Variants in LRRC4C observed in about 807,000 individuals in gnomAD.
LRRC4C encodes leucine-rich repeat-containing protein 4C.
In LRRC4C, 5 loss-of-function variants were observed where a neutral mutation model predicts 33.6. The observed-to-expected ratio is 0.15, with a 90% CI of 0.08 to 0.31. The LOEUF is 0.31. Among genes scored for constraint, LRRC4C ranks in the 10% least tolerant of loss-of-function variants. The probability of loss-of-function intolerance (pLI) is 1.00; values close to 1 mark genes in which losing one functional copy is unlikely to be tolerated. For synonymous variants in LRRC4C, 329 were observed against 302.0 expected (o/e 1.09, Z -0.93); for missense variants, 560 against 796.7 (o/e 0.70, Z 3.58).
intron 1 of LRRC4C, among the ~76,000 whole-genome samples, chr11:41,001,469 T>C (rs912173131): frequency 8.0e-4 from 122 of 152,142 alleles, no homozygotes; most frequent in African/African-American, 2.8e-3. Context: ...ACAAGTGAAG[T>C]TAATAGAGAA....
intron 2 of LRRC4C, among the ~76,000 whole-genome samples, chr11:40,650,234 C>T (rs1044167259): frequency 6.6e-6 from 1 of 152,216 alleles, no homozygotes; most frequent in East Asian, 1.9e-4. Context: ...CCCCAGTAGA[C>T]CAAAGCAAAA....
chr11:41,000,613 G>A (rs927785153), intron 1 of LRRC4C, among the ~76,000 whole-genome samples: 2 of 152,102 alleles, frequency 1.3e-5, no homozygotes, highest in Non-Finnish European at 2.9e-5. Flanking sequence ...CCTATTGATC[G>A]ACATGGCAAC....
At chr11:40,417,028 C>G (rs752691317) in intron 3 of LRRC4C, among the ~76,000 whole-genome samples, 1 of 152,144 alleles carries the variant, frequency 6.6e-6, no homozygotes, top group Non-Finnish European at 1.5e-5. Context: ...CAGTGAATGT[C>G]CCTTTTCAAA....
chr11:40,379,842 T>A (rs1215787777), intron 3 of LRRC4C, among the ~76,000 whole-genome samples: 3 of 152,174 alleles, frequency 2.0e-5, no homozygotes. Flanking sequence ...AGTATCAACA[T>A]CACCTGGGAA....
In LRRC4C at chr11:41,440,666, GT is replaced by G. The variant is rs1955589163; in HGVS notation, c.-496+18764del. Among the ~76,000 whole-genome samples the G allele has an allele frequency of 2.0e-5, 3 of 152,070 alleles. No individual in the cohort carries two copies. The South Asian group carries it at 6.2e-4, about 32-fold the overall frequency. ...TCTCATCTCAAATTGTAATCCCCAT[GT>G]GTCACGGGAGGGACCTGGTGGGAGG... On this transcript the variant is annotated intron_variant, in intron 1 of 6. Coordinates refer to ENST00000528697, the MANE Select transcript of LRRC4C (RefSeq NM_001258419.2).
At position 41,045,868 on chromosome 11, in the gene LRRC4C, A is replaced by G. The variant is rs1162029179; in HGVS notation, c.-495-112145T>C. Among the ~76,000 whole-genome samples the G allele has an allele frequency of 5.9e-5, 9 of 152,232 alleles. No homozygotes were observed. In the East Asian group the frequency reaches 1.7e-3, roughly 29 times the overall value. On this transcript the variant is annotated intron_variant, in intron 1 of 6. Coordinates refer to ENST00000528697, the MANE Select transcript of LRRC4C (RefSeq NM_001258419.2). ...ACCTTGTAGATGGTAAATTTCAAGTACACACAGAACCCCCAGTATCCTTAT... is the reference window on the plus strand; with the variant it reads ...ACCTTGTAGATGGTAAATTTCAAGTGCACACAGAACCCCCAGTATCCTTAT...
chr11:41,230,453 A>G (rs1198102598), intron 1 of LRRC4C, among the ~76,000 whole-genome samples: 1 of 151,952 alleles, frequency 6.6e-6, no homozygotes, highest in Non-Finnish European at 1.5e-5. Flanking sequence ...AGCCTCCTTT[A>G]CCTTACCATT....
intron 3 of LRRC4C, among the ~76,000 whole-genome samples, chr11:40,589,621 G>A (rs1417115231): frequency 6.6e-6 from 1 of 152,076 alleles, no homozygotes; most frequent in Non-Finnish European, 1.5e-5. Context: ...GGTACCAGTT[G>A]TTCCTTTCCA....
chr11:40,643,629 C>T (rs1290323796), intron 3 of LRRC4C, among the ~76,000 whole-genome samples: 2 of 152,154 alleles, frequency 1.3e-5, no homozygotes, highest in Admixed American at 6.5e-5. Context: ...ACCCCCCTGC[C>T]GTCCACCAGC....
At chr11:41,444,413 T>C (rs1433346410) in intron 1 of LRRC4C, among the ~76,000 whole-genome samples, 1 of 152,224 alleles carries the variant, frequency 6.6e-6, no homozygotes, top group African/African-American at 2.4e-5. Flanking sequence ...GTATATGTTG[T>C]ATGAACATAC....
chr11:41,139,903 G>C (rs551853781), intron 1 of LRRC4C, among the ~76,000 whole-genome samples: 1 of 152,218 alleles, frequency 6.6e-6, no homozygotes, highest in South Asian at 2.1e-4. Context: ...AGCATAGTTT[G>C]AATTGCCTTG....
intron 1 of LRRC4C, among the ~76,000 whole-genome samples, chr11:41,022,322 T>A (rs1856041087): frequency 6.6e-6 from 1 of 151,680 alleles, no homozygotes; most frequent in South Asian, 2.1e-4. Flanking sequence ...AAGTGAACTT[T>A]AGAATAAAAA....
chr11:41,293,554 C>T (rs1027341252), intron 1 of LRRC4C, among the ~76,000 whole-genome samples: 9 of 151,766 alleles, frequency 5.9e-5, no homozygotes, highest in African/African-American at 2.2e-4. Context: ...TAAAATACTT[C>T]ACTAATCATG....
chr11:41,118,510 G>T (rs1461711015), intron 1 of LRRC4C, among the ~76,000 whole-genome samples: 2 of 152,150 alleles, frequency 1.3e-5, no homozygotes, highest in African/African-American at 4.8e-5. Flanking sequence ...TTTGGTCACT[G>T]TCCATTCCTT....
intron 3 of LRRC4C, among the ~76,000 whole-genome samples, chr11:40,448,262 A>G (rs888827515): frequency 1.3e-5 from 2 of 151,742 alleles, no homozygotes; most frequent in African/African-American, 4.8e-5. Flanking sequence ...TTTAAAAATT[A>G]TTATTATGCA....
At chr11:41,038,033 T>C (rs1857202326) in intron 1 of LRRC4C, among the ~76,000 whole-genome samples, 1 of 152,220 alleles carries the variant, frequency 6.6e-6, no homozygotes, top group Non-Finnish European at 1.5e-5. Context: ...AAAATTATTA[T>C]TTCTAACATG....
chr11:40,326,129 A>G (rs1356440912), intron 3 of LRRC4C, among the ~76,000 whole-genome samples: 3 of 151,836 alleles, frequency 2.0e-5, no homozygotes, highest in Non-Finnish European at 4.4e-5. Context: ...TTGCTTGCTC[A>G]CTATTGAAAG....
intron 1 of LRRC4C, among the ~76,000 whole-genome samples, chr11:41,103,554 G>T (rs1423651007): frequency 4.6e-5 from 7 of 151,230 alleles, no homozygotes; most frequent in Admixed American, 4.6e-4. Flanking sequence ...ATAGAAATGA[G>T]TACGACAGAC....
intron 3 of LRRC4C, among the ~76,000 whole-genome samples, chr11:40,519,887 G>A (rs1055111383): frequency 3.3e-5 from 5 of 152,174 alleles, no homozygotes; most frequent in African/African-American, 1.2e-4. Context: ...TCTTGCTAAG[G>A]TCATGGATGA....
Sources: gnomAD v4.1 joint callset for allele counts (sites outside exome capture counted in the v4.1 genomes callset) on GRCh38, gnomAD v4.1.1 for gene constraint, MANE v1.5 for transcripts, NCBI Gene and HGNC (gene_info 2026-07-23, HGNC 2026-07-21) for gene names.